The following LPP variants were observed in gnomAD, a reference collection of about 807,000 sequenced individuals.
The protein encoded by LPP is LIM domain containing preferred translocation partner in lipoma.
LPP carries 38 observed loss-of-function variants against 60.4 expected under a neutral mutation model. That is an observed-to-expected ratio of 0.63 (90% CI 0.49 to 0.83). The LOEUF (loss-of-function observed/expected upper bound fraction) is 0.83. Among genes scored for constraint, LPP ranks in the 40% least tolerant of loss-of-function variants. The pLI, the probability that LPP is intolerant of heterozygous loss-of-function variation, is 0.00. For missense variants in LPP, 902 were observed against 783.6 expected, an observed-to-expected ratio of 1.15 and a Z score of -1.80; for synonymous variants, 328 against 290.8, an observed-to-expected ratio of 1.13 and a Z score of -1.30.
chr3:188,672,046 T>C (rs1271006006), intron 7 of LPP, among the ~76,000 whole-genome samples: 1 of 152,238 alleles, frequency 6.6e-6, no homozygotes, highest in African/African-American at 2.4e-5. Flanking sequence ...AAATTTTCCA[T>C]TAATTTTCGT....
intron 2 of LPP, among the ~76,000 whole-genome samples, chr3:188,241,214 T>G (rs1577488190): frequency 6.6e-6 from 1 of 152,294 alleles, no homozygotes; most frequent in East Asian, 1.9e-4. Flanking sequence ...ATAGCATGAA[T>G]CCAACCTGCT....
intron 2 of LPP, among the ~76,000 whole-genome samples, chr3:188,240,376 T>A (rs6806423): frequency 0.026 from 3,677 of 143,204 alleles, 57 homozygotes; most frequent in Non-Finnish European, 0.033. Context: ...TGTGTGTGTG[T>A]GAGAGAGAGA....
intron 4 of LPP, among the ~76,000 whole-genome samples, chr3:188,407,788 G>GTTTTTTTTTTTTTTTTTTTT (rs869082030): frequency 2.8e-5 from 3 of 107,596 alleles, no homozygotes; most frequent in African/African-American, 1.2e-4. Flanking sequence ...TTGTTTGTTT[G>GTTTTTTTTTTTTTTTTTTTT]TTTTTTTTTT....
intron 2 of LPP, among the ~76,000 whole-genome samples, chr3:188,337,018 C>T (rs1761844495): frequency 6.6e-6 from 1 of 152,172 alleles, no homozygotes; most frequent in African/African-American, 2.4e-5. Context: ...GGCCAATGTA[C>T]TGTTTTCCCA....
chr3:188,705,686 G>A (rs1865349253), intron 7 of LPP, among the ~76,000 whole-genome samples: 1 of 151,878 alleles, frequency 6.6e-6, no homozygotes, highest in African/African-American at 2.4e-5. Flanking sequence ...GCAGTGGCAC[G>A]ATCTTGGCTC....
At chr3:188,445,727 G>A (rs1795078101) in intron 4 of LPP, among the ~76,000 whole-genome samples, 1 of 151,920 alleles carries the variant, frequency 6.6e-6, no homozygotes, top group African/African-American at 2.4e-5. Flanking sequence ...CACTGTTTTA[G>A]GACCAGGAAT....
chr3:188,329,971 G>A (rs1326844842), intron 2 of LPP, among the ~76,000 whole-genome samples: 10 of 152,134 alleles, frequency 6.6e-5, no homozygotes, highest in Non-Finnish European at 1.3e-4. Flanking sequence ...ATCTTACTAG[G>A]CAAACTGTGC....
chr3:188,731,313 T>G (rs963488625), intron 8 of LPP, among the ~76,000 whole-genome samples: 1 of 152,184 alleles, frequency 6.6e-6, no homozygotes, highest in African/African-American at 2.4e-5. Context: ...ACCTTTTTTT[T>G]TGGTGCTGGT....
At chr3:188,424,423 GT>G (rs1252062068) in intron 4 of LPP, among the ~76,000 whole-genome samples, 1 of 152,062 alleles carries the variant, frequency 6.6e-6, no homozygotes, top group Non-Finnish European at 1.5e-5. Flanking sequence ...GCTTAGGATT[GT>G]TGGGTCTATA....
intron 7 of LPP, among the ~76,000 whole-genome samples, chr3:188,619,091 C>G (rs1296514049): frequency 6.6e-6 from 1 of 152,112 alleles, no homozygotes; most frequent in South Asian, 2.1e-4. Context: ...GTGGTGCAAT[C>G]TGGGCTCACT....
chr3:188,634,233 C>T (rs1294906334), intron 7 of LPP, among the ~76,000 whole-genome samples: 1 of 152,076 alleles, frequency 6.6e-6, no homozygotes, highest in Non-Finnish European at 1.5e-5. Flanking sequence ...ATTGGAGGGG[C>T]GTTTATATAG....
intron 6 of LPP, among the ~76,000 whole-genome samples, chr3:188,581,768 A>G (rs1836213575): frequency 6.6e-6 from 1 of 151,780 alleles, no homozygotes; most frequent in African/African-American, 2.4e-5. Flanking sequence ...TCGGAACACA[A>G]CCCCTCATTC....
chr3:188,304,726 A>T (rs114438628), intron 2 of LPP, among the ~76,000 whole-genome samples: 1 of 152,084 alleles, frequency 6.6e-6, no homozygotes, highest in Non-Finnish European at 1.5e-5. Flanking sequence ...TTCTTTTCCC[A>T]TGTGTTTTGA....
Position 188,760,435 on chromosome 3 carries a change from T to TGTGTGTGC in LPP, c.1410+154_1410+155insTGTGTGCG, listed in dbSNP as rs777127864. 2.2e-3 allele frequency among the ~76,000 whole-genome samples: 336 copies of TGTGTGTGC among 151,186 alleles called. 3 individuals carry two copies. The highest frequency in any genetic ancestry group is 7.2e-3 in the African/African-American group (295 of 40,938). On this transcript the variant is annotated intron_variant, in intron 9 of 11. Coordinates refer to ENST00000617246, the MANE Select transcript of LPP (RefSeq NM_001375462.1). ...GTGTGTGTGTGTGTGTGTGTGTGTG[T>TGTGTGTGC]GCGTGCGCGCATGTAAATTAGCATA...
intron 8 of LPP, among the ~76,000 whole-genome samples, chr3:188,717,732 C>T (rs975891830): frequency 6.6e-6 from 1 of 152,150 alleles, no homozygotes; most frequent in African/African-American, 2.4e-5. Context: ...TATATGTTTA[C>T]AGCACTAAAT....
At chr3:188,546,139 C>T (rs776047706) in intron 6 of LPP, among the ~76,000 whole-genome samples, 28 of 152,082 alleles carry the variant, frequency 1.8e-4, no homozygotes, top group Middle Eastern at 3.2e-3. Flanking sequence ...TTTTCACCAA[C>T]GAGAAAACCA....
intron 9 of LPP, among the ~76,000 whole-genome samples, chr3:188,853,238 A>T (rs1763083886): frequency 6.6e-6 from 1 of 152,172 alleles, no homozygotes; most frequent in African/African-American, 2.4e-5. Flanking sequence ...TTCTCCCAAG[A>T]CCTCACCTCT....
intron 1 of LPP, chr3:188,179,112 GAGA>G: frequency 8.5e-6 from 3 of 354,430 alleles, no homozygotes; most frequent in South Asian, 2.1e-5. Context: ...GAGAGAGAGA[GAGA>G]GGTTTTGAGA....
chr3:188,466,357 A>G (rs910724454), intron 4 of LPP, among the ~76,000 whole-genome samples: 18 of 152,244 alleles, frequency 1.2e-4, no homozygotes, highest in African/African-American at 4.3e-4. Context: ...CTTTCTGGCT[A>G]TACCTATTAA....
Sources: gnomAD v4.1 joint callset for allele counts (sites outside exome capture counted in the v4.1 genomes callset) on GRCh38, gnomAD v4.1.1 for gene constraint, MANE v1.5 for transcripts, NCBI Gene and HGNC (gene_info 2026-07-23, HGNC 2026-07-21) for gene names.